Variants in SCAPER observed in about 807,000 individuals in gnomAD.
The protein encoded by SCAPER is S phase cyclin A-associated protein in the endoplasmic reticulum.
A neutral mutation model predicts 182.2 loss-of-function variants in SCAPER; 98 were observed. The ratio of observed to expected loss-of-function variants is 0.54; its 90% CI spans 0.46 to 0.64. The LOEUF is 0.64. Among genes scored for constraint, SCAPER ranks in the 30% least tolerant of loss-of-function variants. The pLI is 0.00. For synonymous variants in SCAPER, 605 were observed against 564.6 expected (o/e 1.07, Z -1.01); for missense variants, 1,432 against 1,690.0 (o/e 0.85, Z 2.68).
intron 24 of SCAPER, among the ~76,000 whole-genome samples, chr15:76,481,500 T>C (rs1172638985): frequency 6.6e-6 from 1 of 152,222 alleles, no homozygotes; most frequent in Non-Finnish European, 1.5e-5. Context: ...GCTGCATATA[T>C]GCATATATAT....
chr15:76,472,523 G>A (rs2050269033), intron 24 of SCAPER, among the ~76,000 whole-genome samples: 1 of 152,098 alleles, frequency 6.6e-6, no homozygotes, highest in Non-Finnish European at 1.5e-5. Context: ...CTGCCACCAT[G>A]CACGGCTAAT....
chr15:76,491,165 T>C (rs1189207648), intron 24 of SCAPER, among the ~76,000 whole-genome samples: 1 of 152,226 alleles, frequency 6.6e-6, no homozygotes, highest in Non-Finnish European at 1.5e-5. Flanking sequence ...TTCTGCTCCA[T>C]TGCTCTATAT....
At chr15:76,486,269 A>G (rs1285395318) in intron 24 of SCAPER, among the ~76,000 whole-genome samples, 2 of 152,196 alleles carry the variant, frequency 1.3e-5, no homozygotes, top group Non-Finnish European at 2.9e-5. Flanking sequence ...ACTCTGGAAG[A>G]CAACCTAGGC....
chr15:76,658,765 G>A (rs777096977), intron 21 of SCAPER, among the ~76,000 whole-genome samples: 12 of 152,148 alleles, frequency 7.9e-5, no homozygotes, highest in African/African-American at 2.7e-4. Context: ...AAAAAATGCC[G>A]CACACCTGCA....
chr15:76,780,895 G>A (rs1014216629), intron 8 of SCAPER, among the ~76,000 whole-genome samples: 4 of 152,122 alleles, frequency 2.6e-5, no homozygotes, highest in Admixed American at 1.3e-4. Context: ...CCAACATCAA[G>A]GATCAAAGGT....
At chr15:76,517,631 G>A (rs576916003) in intron 23 of SCAPER, among the ~76,000 whole-genome samples, 3 of 152,176 alleles carry the variant, frequency 2.0e-5, no homozygotes, top group Admixed American at 2.0e-4. Flanking sequence ...AATTACAAGC[G>A]TAAGCCACCG....
At chr15:76,511,101 G>A (rs2041994299) in intron 23 of SCAPER, among the ~76,000 whole-genome samples, 1 of 152,134 alleles carries the variant, frequency 6.6e-6, no homozygotes, top group Non-Finnish European at 1.5e-5. Flanking sequence ...GGACTCAGGG[G>A]GAAAGGGTAG....
chr15:76,659,531 A>G (rs2055949476), intron 21 of SCAPER, among the ~76,000 whole-genome samples: 1 of 152,224 alleles, frequency 6.6e-6, no homozygotes, highest in Non-Finnish European at 1.5e-5. Context: ...CAGCCTCCCA[A>G]AGTGTTGGGA....
chr15:76,505,217 C>T (rs1181549728), intron 23 of SCAPER, among the ~76,000 whole-genome samples: 1 of 152,128 alleles, frequency 6.6e-6, no homozygotes, highest in Admixed American at 6.5e-5. Context: ...ATGGCAAGCA[C>T]AGGCAACCAA....
chr15:76,567,850 T>C (rs1265705089), intron 23 of SCAPER, among the ~76,000 whole-genome samples: 5 of 152,250 alleles, frequency 3.3e-5, no homozygotes, highest in African/African-American at 1.2e-4. Flanking sequence ...TGCCTTTTGA[T>C]GAACAAAAGT....
intron 23 of SCAPER, among the ~76,000 whole-genome samples, chr15:76,549,205 CTCAGGGAT>C (rs1463351558): frequency 3.9e-5 from 6 of 152,158 alleles, no homozygotes; most frequent in African/African-American, 1.4e-4. Context: ...GTGGCGATTC[CTCAGGGAT>C]CTAGAACTGG....
At chr15:76,607,430 G>A (rs994077053) in intron 22 of SCAPER, among the ~76,000 whole-genome samples, 2 of 152,132 alleles carry the variant, frequency 1.3e-5, no homozygotes, top group Non-Finnish European at 2.9e-5. Context: ...CCTGACCTTT[G>A]TCTCTGGCTG....
At chr15:76,524,216 C>T (rs2043018477) in intron 23 of SCAPER, among the ~76,000 whole-genome samples, 1 of 152,100 alleles carries the variant, frequency 6.6e-6, no homozygotes, top group Non-Finnish European at 1.5e-5. Context: ...TATGAACCAG[C>T]CATGCACGCA....
intron 9 of SCAPER, among the ~76,000 whole-genome samples, chr15:76,772,749 C>T (rs2063539478): frequency 6.6e-6 from 1 of 151,896 alleles, no homozygotes; most frequent in South Asian, 2.1e-4. Context: ...TTAGCAGAGT[C>T]AAGCCTTTAT....
chr15:76,373,439 GA>G (rs957915425), intron 29 of SCAPER, among the ~76,000 whole-genome samples: 14 of 150,574 alleles, frequency 9.3e-5, no homozygotes, highest in Non-Finnish European at 1.8e-4. Flanking sequence ...TGCACATGAA[GA>G]AAAAAAAAAT....
intron 14 of SCAPER, among the ~76,000 whole-genome samples, chr15:76,764,036 T>A (rs950190642): frequency 2.0e-5 from 3 of 152,198 alleles, no homozygotes; most frequent in African/African-American, 7.2e-5. Flanking sequence ...GTTCTTTGTA[T>A]CCTTGCATTG....
At chr15:76,444,638 G>C (rs899969111) in intron 25 of SCAPER, among the ~76,000 whole-genome samples, 1 of 152,118 alleles carries the variant, frequency 6.6e-6, no homozygotes, top group Non-Finnish European at 1.5e-5. Context: ...TGCCAAATTT[G>C]GGACCATTTC....
intron 26 of SCAPER, among the ~76,000 whole-genome samples, chr15:76,406,615 TACACACACACACACACAC>T: frequency 6.7e-6 from 1 of 149,710 alleles, no homozygotes; most frequent in South Asian, 2.1e-4. Context: ...AGACCCTGTC[TACACACACACACACACAC>T]ACACACACAC....
At chr15:76,480,879 T>C (rs1596910160) in intron 24 of SCAPER, among the ~76,000 whole-genome samples, 1 of 152,084 alleles carries the variant, frequency 6.6e-6, no homozygotes, top group Admixed American at 6.5e-5. Flanking sequence ...GACAGGCGCC[T>C]ACCACTATGC....
Sources: gnomAD v4.1 joint callset for allele counts (sites outside exome capture counted in the v4.1 genomes callset) on GRCh38, gnomAD v4.1.1 for gene constraint, MANE v1.5 for transcripts, NCBI Gene and HGNC (gene_info 2026-07-23, HGNC 2026-07-21) for gene names.